DAB1: variants seen among roughly 807,000 people sequenced by gnomAD.
DAB1 encodes disabled homolog 1.
A neutral mutation model predicts 64.6 loss-of-function variants in DAB1; 15 were observed. The ratio of observed to expected loss-of-function variants is 0.23; its 90% CI spans 0.16 to 0.36. The LOEUF (loss-of-function observed/expected upper bound fraction) is 0.36, where lower values mean the gene tolerates loss of function less well. Ranked by LOEUF, DAB1 falls within the 10% of genes least tolerant of loss-of-function variation. The pLI is 1.00. For missense variants in DAB1, 596 were observed against 706.7 expected, an observed-to-expected ratio of 0.84 and a Z score of 1.78; for synonymous variants, 235 against 251.9, an observed-to-expected ratio of 0.93 and a Z score of 0.64.
At chr1:57,767,455 C>G (rs779869777) in intron 6 of DAB1, among the ~76,000 whole-genome samples, 4 of 152,150 alleles carry the variant, frequency 2.6e-5, no homozygotes, top group African/African-American at 9.7e-5. Flanking sequence ...TCCCTTGACC[C>G]GTCTGAATAA....
chr1:57,745,012 A>G (rs1319036328), intron 6 of DAB1, among the ~76,000 whole-genome samples: 2 of 152,212 alleles, frequency 1.3e-5, no homozygotes, highest in East Asian at 3.8e-4. Flanking sequence ...CTATTTTAGC[A>G]ATATGAATCT....
At chr1:57,860,667 G>T (rs1426214035) in intron 1 of DAB1, 4 of 152,206 alleles carry the variant, frequency 2.6e-5, no homozygotes, top group Admixed American at 1.3e-4. Context: ...AGCCACAAAA[G>T]TGTCTTTGGA....
intron 7 of DAB1, among the ~76,000 whole-genome samples, chr1:57,482,090 ATTG>A (rs1644028219): frequency 6.6e-6 from 1 of 152,158 alleles, no homozygotes; most frequent in Non-Finnish European, 1.5e-5. Flanking sequence ...GGGGGAAATA[ATTG>A]GGAAATTTTA....
intron 4 of DAB1, among the ~76,000 whole-genome samples, chr1:57,103,067 G>A (rs1029800518): frequency 6.6e-6 from 1 of 152,064 alleles, no homozygotes; most frequent in South Asian, 2.1e-4. Flanking sequence ...GACAAAATGG[G>A]GCTATTTTTA....
intron 2 of DAB1, among the ~76,000 whole-genome samples, chr1:57,282,694 C>G (rs1440798914): frequency 6.6e-6 from 1 of 152,118 alleles, no homozygotes; most frequent in East Asian, 1.9e-4. Context: ...AAGAAGTAAA[C>G]TGCTTGGCCC....
At chr1:57,376,674 G>A (rs1322096442) in intron 1 of DAB1, among the ~76,000 whole-genome samples, 1 of 152,282 alleles carries the variant, frequency 6.6e-6, no homozygotes, top group Non-Finnish European at 1.5e-5. Flanking sequence ...TTAGAAAAGT[G>A]CCTGTCACAC....
intron 1 of DAB1, among the ~76,000 whole-genome samples, chr1:57,853,079 T>C (rs1653604606): frequency 6.6e-6 from 1 of 152,168 alleles, no homozygotes; most frequent in South Asian, 2.1e-4. Context: ...TTTTGTCACA[T>C]AGGGTTAAAA....
intron 1 of DAB1, chr1:58,541,343 C>T (rs1239821110): frequency 1.1e-5 from 1 of 88,450 alleles, no homozygotes; most frequent in Non-Finnish European, 2.3e-5. Flanking sequence ...ACAGGAAAAA[C>T]ACAAGAAAGT....
intron 2 of DAB1, among the ~76,000 whole-genome samples, chr1:57,188,317 T>C (rs1202959101): frequency 6.6e-6 from 1 of 152,092 alleles, no homozygotes; most frequent in Non-Finnish European, 1.5e-5. Flanking sequence ...CTACTTGGAA[T>C]TGGAAATTTT....
chr1:58,430,300 G>A (rs1188468894), intron 3 of DAB1, among the ~76,000 whole-genome samples: 1 of 152,214 alleles, frequency 6.6e-6, no homozygotes, highest in Non-Finnish European at 1.5e-5. Context: ...TCAATAAGCT[G>A]TCTTGACAGA....
At chr1:57,238,029 G>T (rs1668220349) in intron 2 of DAB1, among the ~76,000 whole-genome samples, 1 of 152,164 alleles carries the variant, frequency 6.6e-6, no homozygotes, top group South Asian at 2.1e-4. Flanking sequence ...AGGGTGAGTG[G>T]TGCTGAATAC....
At chr1:57,571,773 G>A (rs1260143766) in intron 7 of DAB1, among the ~76,000 whole-genome samples, 1 of 152,190 alleles carries the variant, frequency 6.6e-6, no homozygotes, top group East Asian at 1.9e-4. Context: ...GAATTAAACA[G>A]AGAAATAAGC....
intron 3 of DAB1, among the ~76,000 whole-genome samples, chr1:58,478,802 A>G (rs1341517385): frequency 6.6e-6 from 1 of 152,214 alleles, no homozygotes; most frequent in Non-Finnish European, 1.5e-5. Flanking sequence ...TATTAGCATC[A>G]TGCTCCTAAC....
At position 57,706,925 on chromosome 1, in the gene DAB1, T is replaced by C. The variant is rs149722039; in HGVS notation, n.552-57260A>G. ...CCATCTCTACTAAAAATACAAAAAA[T>C]TAGCCGGGCGTGGTGGCAGGCGCCT... is the stretch of plus-strand genomic sequence containing the variant. On this transcript the variant is annotated intron_variant and non_coding_transcript_variant, in intron 6 of 20. Transcript: ENST00000485760. Among the ~76,000 whole-genome samples the C allele has an allele frequency of 2.0e-5, 3 of 151,788 alleles. No individual in the cohort carries two copies. The South Asian group carries it at 6.3e-4, about 32-fold the overall frequency.
intron 4 of DAB1, among the ~76,000 whole-genome samples, chr1:58,165,385 A>G (rs1219905552): frequency 6.6e-6 from 1 of 152,122 alleles, no homozygotes; most frequent in Non-Finnish European, 1.5e-5. Context: ...TGTTTGCCAT[A>G]TAATTCCTGC....
intron 5 of DAB1, among the ~76,000 whole-genome samples, chr1:58,105,779 C>T (rs1384673919): frequency 6.6e-6 from 1 of 152,160 alleles, no homozygotes; most frequent in Non-Finnish European, 1.5e-5. Flanking sequence ...ATCCATGCAG[C>T]AGGAAAGAGA....
intron 1 of DAB1, chr1:57,864,402 G>A (rs908422132): frequency 6.6e-6 from 1 of 152,172 alleles, no homozygotes; most frequent in Non-Finnish European, 1.5e-5. Context: ...ATAAGAGCTA[G>A]TGTCATTCTC....
At chr1:58,163,084 C>A (rs1352973154) in intron 4 of DAB1, among the ~76,000 whole-genome samples, 1 of 152,120 alleles carries the variant, frequency 6.6e-6, no homozygotes, top group Non-Finnish European at 1.5e-5. Context: ...TCTAAGTTAG[C>A]CCTGCGAAAA....
At position 57,320,833 on chromosome 1, in the gene DAB1, C is replaced by T. The variant is rs568046936; in HGVS notation, c.-136-29667G>A. 2.5e-4 allele frequency among the ~76,000 whole-genome samples: 38 copies of T among 152,042 alleles called. 1 individual carries two copies. Among genetic ancestry groups the T allele is most frequent in the Non-Finnish European group, 3.2e-4 (22 of 68,024 alleles). ...TATTACTACTATCTCCACTTTACACCAAAGAAACCAAGGCTTACTGAGACT... is the reference window on the plus strand; with the variant it reads ...TATTACTACTATCTCCACTTTACACTAAAGAAACCAAGGCTTACTGAGACT... On this transcript the variant is annotated intron_variant, in intron 1 of 14. Coordinates refer to ENST00000371236, the MANE Select transcript of DAB1 (RefSeq NM_001365792.1).
Sources: gnomAD v4.1 joint callset for allele counts (sites outside exome capture counted in the v4.1 genomes callset) on GRCh38, gnomAD v4.1.1 for gene constraint, MANE v1.5 for transcripts, NCBI Gene and HGNC (gene_info 2026-07-23, HGNC 2026-07-21) for gene names.